Variants in NUP107 observed in about 807,000 individuals in gnomAD.
NUP107 encodes nuclear pore complex protein Nup107.
NUP107 carries 101 observed loss-of-function variants against 141.0 expected under a neutral mutation model. That is an observed-to-expected ratio of 0.72 (90% CI 0.61 to 0.84). NUP107 has a LOEUF of 0.84. Ranked by LOEUF, NUP107 falls within the 40% of genes least tolerant of loss-of-function variation. NUP107 has a pLI of 0.00. For synonymous variants in NUP107, 319 were observed against 363.9 expected (o/e 0.88, Z 1.41); for missense variants, 941 against 1,102.7 (o/e 0.85, Z 2.08).
intron 8 of NUP107, among the ~76,000 whole-genome samples, chr12:68,709,030 G>A (rs953462775): frequency 2.0e-5 from 3 of 152,168 alleles, no homozygotes; most frequent in Non-Finnish European, 4.4e-5. Flanking sequence ...CCAGGTAAGA[G>A]CAGCTACAAT....
intron 8 of NUP107, among the ~76,000 whole-genome samples, chr12:68,703,558 C>A (rs1876439369): frequency 6.6e-6 from 1 of 151,894 alleles, no homozygotes; most frequent in Non-Finnish European, 1.5e-5. Context: ...TCAAGTGATA[C>A]TTCTGCCTCA....
In NUP107 at chr12:68,744,145, A is replaced by G. The variant is rs1316132524; in HGVS notation, c.*1683A>G. On this transcript the variant is annotated 3_prime_UTR_variant, in exon 28 of 28. Coordinates refer to ENST00000229179, the MANE Select transcript of NUP107 (RefSeq NM_020401.4). ...GGAAAACTACTTAGCCTAAATGAGG[A>G]GGAGGAATATTGTATGCTTCCATCG... 2 of 152,222 alleles carry G rather than the reference A, an allele frequency of 1.3e-5. No homozygotes were observed. The highest frequency in any genetic ancestry group is 2.9e-5 in the Non-Finnish European group (2 of 68,046). 9.4% of individuals were successfully genotyped at this position (152,222 alleles called of 1,614,324 possible). A position where few individuals can be genotyped will look rare whatever the true frequency, so the allele number is the denominator to read the frequency against.
intron 26 of NUP107, 110 bp downstream of exon 26, chr12:68,735,454 A>T (rs1878028868): frequency 1.4e-6 from 1 of 735,946 alleles, no homozygotes; most frequent in African/African-American, 1.8e-5. Context: ...ATAATTGTAG[A>T]TATAGCTAAA....
In NUP107 at chr12:68,712,418, C is replaced by CAA. The variant is rs745430819; in HGVS notation, c.891-1288_891-1287dup. 7.7e-4 allele frequency among the ~76,000 whole-genome samples: 49 copies of CAA among 63,764 alleles called. 1 individual carries two copies. The highest frequency in any genetic ancestry group is 1.9e-3 in the African/African-American group (32 of 16,664). The allele number at this position is 63,764 out of a possible 152,430, so 41.8% of individuals were successfully genotyped here. ...GGGTAAAAAGAGCAAAACTCCATCT[C>CAA]AAAAAAAAAAAAAAAAAAAAAAAAA... On this transcript the variant is annotated intron_variant, in intron 10 of 27. Coordinates refer to ENST00000229179, the MANE Select transcript of NUP107 (RefSeq NM_020401.4).
rs777729661 is a variant in NUP107 at position 68,691,841 on chromosome 12, G to GA, written c.304-112dup. 0.048 allele frequency: 27,548 copies of GA among 574,034 alleles called. 3 individuals carry two copies. Among genetic ancestry groups the GA allele is most frequent in the South Asian group, 0.065 (2,110 of 32,284 alleles). The allele number at this position is 574,034 out of a possible 1,614,324, so 35.6% of individuals were successfully genotyped here. On this transcript the variant is annotated intron_variant, in intron 4 of 27. Transcript: ENST00000229179. ...AGATCCAGACCTTATCTCAAGAAGG[G>GA]AAAAAAAAAAAAAAAGACGCATACA...
At chr12:68,697,261 C>G (rs1876110831) in intron 6 of NUP107, among the ~76,000 whole-genome samples, 1 of 152,032 alleles carries the variant, frequency 6.6e-6, no homozygotes, top group African/African-American at 2.4e-5. Context: ...GGCCTTGTCT[C>G]TACAAGAAAT....
chr12:68,721,036 T>C (rs1016631077), intron 14 of NUP107, 82 bp from the exon 15 acceptor site: 3 of 889,116 alleles, frequency 3.4e-6, no homozygotes, highest in Admixed American at 1.9e-5. Context: ...CTAGAAGAGT[T>C]TGCAAGACTC....
At chr12:68,700,670 T>A (rs949930253) in intron 6 of NUP107, 56 bp from the exon 7 acceptor site, 2 of 1,298,082 alleles carry the variant, frequency 1.5e-6, no homozygotes, top group Middle Eastern at 2.0e-4. Flanking sequence ...TACAAACTTA[T>A]CAGTGACTCA....
In NUP107 at chr12:68,718,709, T is replaced by A. The variant is rs904918581; in HGVS notation, c.1084-632T>A. ...CGTTGGGAGGCTGAGGTAGGGGGGA[T>A]CCCTTCAGTCCAGAAGTTCGAGACC... On this transcript the variant is annotated intron_variant, in intron 12 of 27. Transcript: ENST00000229179. 4.6e-5 allele frequency among the ~76,000 whole-genome samples: 7 copies of A among 151,132 alleles called. No individual in the cohort carries two copies. In the South Asian group the frequency reaches 1.5e-3, roughly 32 times the overall value.
intron 17 of NUP107, among the ~76,000 whole-genome samples, chr12:68,724,106 T>G (rs1877459899): frequency 6.6e-6 from 1 of 152,098 alleles, no homozygotes; most frequent in Admixed American, 6.5e-5. Context: ...ATAAGAGAAT[T>G]TGTTAAAGTA....
At position 68,719,310 on chromosome 12, in the gene NUP107, T is replaced by C; in HGVS notation, c.1084-31T>C. 2.6e-6 allele frequency: 4 copies of C among 1,555,866 alleles called. No homozygotes were observed. The South Asian group carries it at 4.5e-5, about 17-fold the overall frequency. On this transcript the variant is annotated intron_variant, in intron 12 of 27. Coordinates refer to ENST00000229179, the MANE Select transcript of NUP107 (RefSeq NM_020401.4). ...ACTTTACTATAAAGCACCCTGGTTA[T>C]TGGACTGACTGCTCTTTCTTGTTTT...
At position 68,721,873 on chromosome 12, in the gene NUP107, A is replaced by C; in HGVS notation, c.1344A>C (p.Thr448=). 6.2e-7 allele frequency: 1 copy of C among 1,614,024 alleles called. No individual in the cohort carries two copies. The highest frequency in any genetic ancestry group is 8.5e-7 in the Non-Finnish European group (1 of 1,179,966). The change falls in exon 16 of 28, where the codon ACA becomes ACC. Residue 448 remains threonine (T), a synonymous_variant. Coordinates refer to ENST00000229179, the MANE Select transcript of NUP107 (RefSeq NM_020401.4). The part of the protein sequence containing the change: ...LLPVCDTWED[T]VWAYFRVMVD... ...CTGTCTGTGACACCTGGGAAGACAC[A>C]GTTTGGGCCTACTTCCGGGTGATGG...
intron 20 of NUP107, 47 bp from the exon 21 acceptor site, chr12:68,731,063 C>A: frequency 1.5e-6 from 2 of 1,335,644 alleles, no homozygotes. Flanking sequence ...TTGAAGTATA[C>A]TTTTAATTTT....
chr12:68,718,105 C>CAT (rs1327606691), intron 12 of NUP107, among the ~76,000 whole-genome samples: 1 of 152,140 alleles, frequency 6.6e-6, no homozygotes, highest in Non-Finnish European at 1.5e-5. Flanking sequence ...GTCCAAGACC[C>CAT]ATAGCTCAAC....
chr12:68,733,584 G>A lies in NUP107; in HGVS notation c.2234G>A (p.Arg745Gln), dbSNP rs762007935. Residue 745 changes from arginine to glutamine, a missense_variant, in exon 24 of 28, where the codon CGA becomes CAA. Physicochemically the swap from Arg to Gln is conservative, Grantham distance 43. Transcript: ENST00000229179. ...PLPAEDDNAI[R>Q]EHLCIRAYLE... The stretch of plus-strand genomic sequence containing the variant: ...CCTGCTGAAGATGATAATGCTATCC[G>A]AGAACATTTGTGCATCAGAGCTTAT... 9 of 1,611,426 alleles carry A rather than the reference G, an allele frequency of 5.6e-6. No homozygotes were observed. The highest frequency in any genetic ancestry group is 2.2e-5 in the East Asian group (1 of 44,740).
chr12:68,689,656 G>T (rs749533212), intron 3 of NUP107, 37 bp downstream of exon 3: 1 of 1,271,664 alleles, frequency 7.9e-7, no homozygotes, highest in Non-Finnish European at 1.1e-6. Flanking sequence ...TAATAATAAC[G>T]GTAATTATAA....
At chr12:68,692,197 T>C in intron 5 of NUP107, 85 bp downstream of exon 5, 1 of 1,314,280 alleles carries the variant, frequency 7.6e-7, no homozygotes, top group Non-Finnish European at 1.0e-6. Context: ...CTGAACGTCA[T>C]TATGTTTTTC....
intron 10 of NUP107, among the ~76,000 whole-genome samples, chr12:68,712,848 C>T (rs1876927709): frequency 6.6e-6 from 1 of 151,914 alleles, no homozygotes; most frequent in African/African-American, 2.4e-5. Context: ...AAAATGATAT[C>T]TATGAGAAAG....
At chr12:68,690,543 T>C (rs1228133360) in intron 3 of NUP107, 88 bp from the exon 4 acceptor site, 15 of 1,552,830 alleles carry the variant, frequency 9.7e-6, no homozygotes, top group Non-Finnish European at 1.2e-5. Context: ...AACTGAAAAA[T>C]TTATTCTTCA....
Sources: allele counts gnomAD v4.1 joint callset (sites outside exome capture counted in the v4.1 genomes callset), GRCh38; gene constraint gnomAD v4.1.1; transcripts MANE v1.5; gene names NCBI Gene and HGNC (gene_info 2026-07-23, HGNC 2026-07-21).